Variants in FRMPD4 observed in about 807,000 individuals in gnomAD.
The protein encoded by FRMPD4 is FERM and PDZ domain-containing protein 4.
Under a neutral mutation model 94.1 loss-of-function variants are expected in FRMPD4, and 22 were observed. The observed-to-expected ratio is 0.23, with a 90% confidence interval of 0.17 to 0.33. The LOEUF is 0.33. Ranked by LOEUF, FRMPD4 falls within the 10% of genes least tolerant of loss-of-function variation. The pLI, the probability that FRMPD4 is intolerant of heterozygous loss-of-function variation, is 1.00. For synonymous variants in FRMPD4, 631 were observed against 548.6 expected, an observed-to-expected ratio of 1.15 and a Z score of -2.10; for missense variants, 1,111 against 1,339.9, an observed-to-expected ratio of 0.83 and a Z score of 2.67.
intron 1 of FRMPD4, among the ~76,000 whole-genome samples, chrX:12,397,058 G>A (rs2056551062): frequency 9.0e-6 from 1 of 110,819 alleles, no homozygotes; most frequent in Admixed American, 9.6e-5. Flanking sequence ...AAGTGAGACA[G>A]CCCTAGTAAG....
At chrX:12,010,939 T>C (rs2054577506) in intron 3 of FRMPD4, among the ~76,000 whole-genome samples, 1 of 111,730 alleles carries the variant, frequency 9.0e-6, no homozygotes, top group Non-Finnish European at 1.9e-5. Context: ...GGAGAAGATA[T>C]TTGAGAAAGA....
At chrX:12,564,044 C>A (rs763596228) in intron 2 of FRMPD4, among the ~76,000 whole-genome samples, 1 of 112,261 alleles carries the variant, frequency 8.9e-6, no homozygotes, top group African/African-American at 3.2e-5. Flanking sequence ...TGGTGAGGGC[C>A]TGCCTCCTGG....
intron 1 of FRMPD4, among the ~76,000 whole-genome samples, chrX:12,336,724 CCAAA>C (rs1369486249): frequency 9.0e-6 from 1 of 111,496 alleles, no homozygotes; most frequent in African/African-American, 3.3e-5. Flanking sequence ...TTTGATGTAG[CCAAA>C]CAAACTAATC....
chrX:12,091,316 G>T (rs1472268618), intron 3 of FRMPD4, among the ~76,000 whole-genome samples: 4 of 111,854 alleles, frequency 3.6e-5, no homozygotes, highest in African/African-American at 6.5e-5. Context: ...AACAAACTTT[G>T]TCTGAGAAGG....
At chrX:11,867,461 G>A (rs907359943) in intron 2 of FRMPD4, among the ~76,000 whole-genome samples, 1 of 111,210 alleles carries the variant, frequency 9.0e-6, no homozygotes, top group Non-Finnish European at 1.9e-5. Flanking sequence ...AACGTATTGC[G>A]GGTGCTCTGA....
chrX:12,567,748 G>A (rs756534083), intron 2 of FRMPD4, among the ~76,000 whole-genome samples: 12 of 111,278 alleles, frequency 1.1e-4, no homozygotes, highest in Admixed American at 1.9e-4. Flanking sequence ...CTGGATCCTA[G>A]TGAGGTGCTA....
chrX:12,528,912 T>C (rs1414315102), intron 2 of FRMPD4, among the ~76,000 whole-genome samples: 13 of 112,619 alleles, frequency 1.2e-4, no homozygotes. Flanking sequence ...TATCCAGATC[T>C]ATCCTTGAGT....
At chrX:12,344,051 A>C (rs148199626) in intron 1 of FRMPD4, among the ~76,000 whole-genome samples, 2 of 111,734 alleles carry the variant, frequency 1.8e-5, no homozygotes, top group African/African-American at 3.3e-5. Flanking sequence ...AGTTGCCCCA[A>C]ATGGGCTTTG....
At chrX:12,185,924 G>C (rs1318768715) in intron 1 of FRMPD4, among the ~76,000 whole-genome samples, 2 of 111,720 alleles carry the variant, frequency 1.8e-5, no homozygotes, top group Admixed American at 1.9e-4. Flanking sequence ...GTGAAGGACA[G>C]ATGATCTGCA....
chrX:12,011,130 T>C (rs979694504), intron 3 of FRMPD4, among the ~76,000 whole-genome samples: 2 of 112,441 alleles, frequency 1.8e-5, no homozygotes, highest in Non-Finnish European at 3.8e-5. Flanking sequence ...ACTTTTATTT[T>C]TGGTTGGTTA....
intron 3 of FRMPD4, among the ~76,000 whole-genome samples, chrX:11,918,680 A>C (rs971913275): frequency 8.9e-5 from 10 of 112,899 alleles, no homozygotes; most frequent in African/African-American, 3.2e-4. Flanking sequence ...AAGTGACTAA[A>C]GTTACAGATT....
chrX:12,209,053 T>C (rs773928452), intron 1 of FRMPD4, among the ~76,000 whole-genome samples: 336 of 112,139 alleles, frequency 3.0e-3, no homozygotes, highest in African/African-American at 0.01. Flanking sequence ...GATCACATTA[T>C]CCAACATAAT....
chrX:11,944,358 A>G (rs1307832940), intron 3 of FRMPD4, among the ~76,000 whole-genome samples: 1 of 111,709 alleles, frequency 9.0e-6, no homozygotes, highest in Non-Finnish European at 1.9e-5. Context: ...TTTTTCTGTA[A>G]TTGGACCCAG....
At chrX:12,246,960 A>G (rs2053966900) in intron 1 of FRMPD4, among the ~76,000 whole-genome samples, 1 of 112,032 alleles carries the variant, frequency 8.9e-6, no homozygotes, top group Non-Finnish European at 1.9e-5. Context: ...TAAGCCTAGG[A>G]TAAGATATTT....
chrX:12,169,877 A>G (rs1165675708), intron 1 of FRMPD4, among the ~76,000 whole-genome samples: 1 of 112,306 alleles, frequency 8.9e-6, no homozygotes, highest in Admixed American at 9.4e-5. Context: ...GTGGATGCAA[A>G]CACAAATGGG....
intron 1 of FRMPD4, among the ~76,000 whole-genome samples, chrX:12,182,737 A>G (rs1256985137): frequency 9.0e-6 from 1 of 111,106 alleles, no homozygotes; most frequent in East Asian, 2.8e-4. Flanking sequence ...ACCATGTAGA[A>G]TTTGTAATGG....
At chrX:12,382,713 A>G (rs1412269681) in intron 1 of FRMPD4, among the ~76,000 whole-genome samples, 2 of 111,605 alleles carry the variant, frequency 1.8e-5, no homozygotes, top group South Asian at 3.8e-4. Context: ...AGCATCCCCA[A>G]TTTTAAAATT....
At chrX:12,128,487 A>G (rs985554226) in intron 3 of FRMPD4, among the ~76,000 whole-genome samples, 1 of 112,019 alleles carries the variant, frequency 8.9e-6, no homozygotes, top group Non-Finnish European at 1.9e-5. Flanking sequence ...CCATTTTTCC[A>G]TCCTAGGCCT....
At position 12,718,272 on chromosome X, in the gene FRMPD4, GCTT is replaced by G. The variant is rs1447904993; in HGVS notation, c.3450_3452del (p.Phe1150del). 2.5e-6 allele frequency: 3 copies of G among 1,209,802 alleles called. No individual in the cohort carries two copies. The highest frequency in any genetic ancestry group is 3.4e-6 in the Non-Finnish European group (3 of 894,825). The stretch of plus-strand genomic sequence containing the variant: ...GGCTCAGGACTTGGTCAAGGGGACC[GCTT>G]CTTAACTGACGTGACCTGTGCATCT... On this transcript the variant is annotated inframe_deletion, in exon 16 of 17. Transcript: ENST00000675598.
Sources: allele counts gnomAD v4.1 joint callset (sites outside exome capture counted in the v4.1 genomes callset), GRCh38; gene constraint gnomAD v4.1.1; transcripts MANE v1.5; gene names NCBI Gene and HGNC (gene_info 2026-07-23, HGNC 2026-07-21).